The following CNTRL variants were observed in gnomAD, a reference collection of about 807,000 sequenced individuals.
CNTRL encodes the protein 110 kDa centrosomal protein.
A neutral mutation model predicts 303.7 loss-of-function variants in CNTRL; 233 were observed. The observed-to-expected ratio is 0.77, with a 90% CI of 0.69 to 0.86. CNTRL has a LOEUF of 0.86. Ranked by LOEUF, CNTRL falls within the 40% of genes least tolerant of loss-of-function variation. CNTRL has a pLI of 0.00. For missense variants in CNTRL, 2,524 were observed against 2,650.6 expected (o/e 0.95, Z 1.05); for synonymous variants, 900 against 922.2 (o/e 0.98, Z 0.44).
rs548794609 is a variant in CNTRL, at chr9:121,152,469, T to C, written c.3964-16T>C. 1.0e-5 allele frequency: 16 copies of C among 1,600,756 alleles called. No homozygotes were observed. The highest frequency in any genetic ancestry group is 4.5e-5 in the East Asian group (2 of 44,788). On this transcript the variant is annotated splice_polypyrimidine_tract_variant and intron_variant, in intron 25 of 43. Transcript: ENST00000373855. ...GTGATGTTTCAGCACTGCATTTTTT[T>C]CCCCATCTCATTCAGGAGAATGAAG...
At chr9:121,174,896 C>A in intron 42 of CNTRL, 122 bp from the exon 43 acceptor site, 1 of 823,074 alleles carries the variant, frequency 1.2e-6, no homozygotes, top group Non-Finnish European at 2.1e-6. Context: ...TAAAGATGAG[C>A]ATTTTTGACA....
chr9:121,113,984 C>T (rs550762066), intron 10 of CNTRL, among the ~76,000 whole-genome samples: 1 of 152,262 alleles, frequency 6.6e-6, no homozygotes, highest in East Asian at 1.9e-4. Context: ...TAAATCCCCT[C>T]CTTCAAATAA....
Position 121,157,876 on chromosome 9 carries a change from G to A in CNTRL, c.4633G>A (p.Glu1545Lys), listed in dbSNP as rs2052656033. 1 of 1,613,924 alleles carries A rather than the reference G, an allele frequency of 6.2e-7. No homozygotes were observed. Among genetic ancestry groups the A allele is most frequent in the Admixed American group, 1.7e-5 (1 of 59,968 alleles). Residue 1545 changes from glutamate (E) to lysine (K), a missense_variant, in exon 29 of 44, where the codon GAA (glutamate) becomes AAA (lysine). By Grantham distance (56) the Glu-to-Lys change is moderately conservative. Transcript: ENST00000373855. ...AAGCAAGAAGAAGGAAAAACTGACA[G>A]AAGAGTAAGTAAGGCCTCTGTAGGG... ...CLSKKKEKLT[E>K]ELQKLQKDIE... is the part of the protein sequence containing the mutation.
chr9:121,138,661 A>T lies in CNTRL; in HGVS notation c.2319A>T (p.Ala773=). The T allele has an allele frequency of 6.2e-7, 1 of 1,613,790 alleles. No homozygotes were observed. The highest frequency in any genetic ancestry group is 1.1e-5 in the South Asian group (1 of 91,012). Residue 773 remains alanine (A), a synonymous_variant, in exon 16 of 44, where the codon GCA becomes GCT. Transcript: ENST00000373855. The part of the protein sequence containing the change: ...EKEQENSELH[A]KLKHLQDDNN... ...AGCAAGAGAACAGTGAGCTCCATGC[A>T]AAACTTAAACACTTGCAGGTAGAGA...
At chr9:121,156,050 G>C (rs1190375026) in intron 27 of CNTRL, among the ~76,000 whole-genome samples, 1 of 151,538 alleles carries the variant, frequency 6.6e-6, no homozygotes, top group Non-Finnish European at 1.5e-5. Flanking sequence ...GTCATATGTT[G>C]GATTACTGTG....
intron 8 of CNTRL, among the ~76,000 whole-genome samples, chr9:121,108,422 G>A (rs902318924): frequency 6.6e-6 from 1 of 152,142 alleles, no homozygotes; most frequent in Non-Finnish European, 1.5e-5. Flanking sequence ...TTGGCAAAAT[G>A]TCAGACCTTA....
chr9:121,099,149 C>CT (rs988782666), intron 7 of CNTRL, among the ~76,000 whole-genome samples: 1 of 152,194 alleles, frequency 6.6e-6, no homozygotes, highest in Non-Finnish European at 1.5e-5. Context: ...AGTAGCCTAA[C>CT]TGGGAGGCAT....
At chr9:121,076,313 T>A (rs894328870) in intron 1 of CNTRL, among the ~76,000 whole-genome samples, 1 of 152,024 alleles carries the variant, frequency 6.6e-6, no homozygotes, top group African/African-American at 2.4e-5. Context: ...ATGGGAAGCT[T>A]GAGTTTTAGG....
intron 19 of CNTRL, 109 bp from the exon 20 acceptor site, chr9:121,143,794 G>A: frequency 1.4e-6 from 1 of 738,200 alleles, no homozygotes; most frequent in Non-Finnish European, 2.2e-6. Flanking sequence ...TGTGTATCAA[G>A]TATTGTTCTA....
At chr9:121,133,955 A>G (rs944269977) in intron 14 of CNTRL, among the ~76,000 whole-genome samples, 1 of 152,198 alleles carries the variant, frequency 6.6e-6, no homozygotes, top group African/African-American at 2.4e-5. Context: ...TAGGAAATTC[A>G]GTATTTTATC....
At chr9:121,175,581 G>A (rs1412682417) in intron 43 of CNTRL, among the ~76,000 whole-genome samples, 1 of 152,154 alleles carries the variant, frequency 6.6e-6, no homozygotes, top group Admixed American at 6.5e-5. Context: ...GAGGAAACTC[G>A]TAAGATAGGA....
At chr9:121,150,614 G>C in intron 25 of CNTRL, 131 bp downstream of exon 25, 1 of 844,488 alleles carries the variant, frequency 1.2e-6, no homozygotes, top group South Asian at 1.7e-5. Flanking sequence ...CTGATGTTTA[G>C]AACTGTGCAA....
intron 16 of CNTRL, among the ~76,000 whole-genome samples, chr9:121,139,595 T>G (rs1007875155): frequency 3.0e-4 from 45 of 152,354 alleles, no homozygotes; most frequent in African/African-American, 1.1e-3. Flanking sequence ...AAGATATACA[T>G]GTTTTCCATT....
At chr9:121,098,331 GTA>G in intron 6 of CNTRL, 53 bp from the exon 7 acceptor site, 2 of 1,290,684 alleles carry the variant, frequency 1.5e-6, no homozygotes, top group Middle Eastern at 1.9e-4. Flanking sequence ...CTTCCTTTAA[GTA>G]TGTTATGATT....
At chr9:121,140,889 G>T (rs936734817) in intron 17 of CNTRL, 103 bp downstream of exon 17, 12 of 1,161,822 alleles carry the variant, frequency 1.0e-5, no homozygotes, top group African/African-American at 3.1e-5. Context: ...TTCTGTTAAT[G>T]GCAAATTTCT....
intron 12 of CNTRL, among the ~76,000 whole-genome samples, chr9:121,121,549 C>T (rs1351370206): frequency 2.0e-5 from 3 of 152,176 alleles, no homozygotes; most frequent in African/African-American, 7.2e-5. Flanking sequence ...AAATTATCAC[C>T]GGAGCAAACA....
chr9:121,150,278 G>A lies in CNTRL; in HGVS notation c.3758G>A (p.Gly1253Asp). 1 of 1,614,140 alleles carries A rather than the reference G, an allele frequency of 6.2e-7. No individual in the cohort carries two copies. The highest frequency in any genetic ancestry group is 8.5e-7 in the Non-Finnish European group (1 of 1,180,012). ...ATGATGTATACTGTGCTTCCTGATG[G>A]TTCTCCTGTACCCCAGGGCATGGCC... ...GYMMYTVLPD[G>D]SPVPQGMALY... The change falls in exon 25 of 44, where the codon GGT becomes GAT. Residue 1253 changes from glycine to aspartate, a missense_variant. Transcript: ENST00000373855.
intron 12 of CNTRL, chr9:121,122,330 C>A: frequency 1.1e-6 from 1 of 889,642 alleles, no homozygotes. Context: ...TGCAAAATAC[C>A]ATAAAGCTTT....
rs1156750151 is a variant in CNTRL at position 121,175,591 on chromosome 9, A to G, written c.6954+367A>G. 2.6e-5 allele frequency among the ~76,000 whole-genome samples: 4 copies of G among 152,306 alleles called. No homozygotes were observed. In the East Asian group the frequency reaches 7.7e-4, roughly 29 times the overall value. The stretch of plus-strand genomic sequence containing the variant: ...GCCAAGAGGAAACTCGTAAGATAGG[A>G]TTTAATATATTACATAGAAAGTACT... On this transcript the variant is annotated intron_variant, in intron 43 of 43. Coordinates refer to ENST00000373855, the MANE Select transcript of CNTRL (RefSeq NM_007018.6).
Sources: gnomAD v4.1 joint callset for allele counts (sites outside exome capture counted in the v4.1 genomes callset) on GRCh38, gnomAD v4.1.1 for gene constraint, MANE v1.5 for transcripts, NCBI Gene and HGNC (gene_info 2026-07-23, HGNC 2026-07-21) for gene names.